Variants in NEDD4L observed in about 807,000 individuals in gnomAD.
NEDD4L encodes the protein NEDD4 like E3 ubiquitin protein ligase.
NEDD4L carries 54 observed loss-of-function variants against 148.9 expected under a neutral mutation model. The ratio of observed to expected loss-of-function variants is 0.36; its 90% CI spans 0.29 to 0.45. The LOEUF is 0.45. Ranked by LOEUF, NEDD4L falls within the 20% of genes least tolerant of loss-of-function variation. The pLI is 1.00. For missense variants in NEDD4L, 856 were observed against 1,233.8 expected (o/e 0.69, Z 4.59); for synonymous variants, 433 against 440.7 (o/e 0.98, Z 0.22).
At chr18:58,106,551 GGCAA>G (rs2145586558) in intron 1 of NEDD4L, among the ~76,000 whole-genome samples, 1 of 152,236 alleles carries the variant, frequency 6.6e-6, no homozygotes, top group East Asian at 1.9e-4. Flanking sequence ...TGTGCCTTTG[GGCAA>G]GCCACTTGCC....
intron 1 of NEDD4L, chr18:58,090,747 G>T (rs566517682): frequency 6.6e-6 from 1 of 152,292 alleles, no homozygotes; most frequent in South Asian, 2.1e-4. Context: ...CAAAGTGCTG[G>T]GATTACAGGC....
At chr18:58,135,726 C>T (rs1396964834) in intron 1 of NEDD4L, among the ~76,000 whole-genome samples, 1 of 152,174 alleles carries the variant, frequency 6.6e-6, no homozygotes, top group African/African-American at 2.4e-5. Context: ...ATTCCTGGTA[C>T]GTGGACTGGA....
intron 2 of NEDD4L, among the ~76,000 whole-genome samples, chr18:58,211,450 G>C (rs1310501457): frequency 6.6e-6 from 1 of 152,142 alleles, no homozygotes; most frequent in African/African-American, 2.4e-5. Flanking sequence ...AGATAACCTA[G>C]GAAGACATTG....
chr18:58,382,767 G>A (rs891609112), intron 24 of NEDD4L, among the ~76,000 whole-genome samples: 1 of 152,160 alleles, frequency 6.6e-6, no homozygotes, highest in African/African-American at 2.4e-5. Flanking sequence ...TGTCTCTTCA[G>A]CCTGGATCCT....
chr18:58,166,814 T>C (rs2036901443), intron 2 of NEDD4L, among the ~76,000 whole-genome samples: 1 of 152,198 alleles, frequency 6.6e-6, no homozygotes, highest in South Asian at 2.1e-4. Context: ...TCCCCTGTGC[T>C]GTGGCCCTTG....
chr18:58,276,396 A>G (rs1305449145), intron 5 of NEDD4L, among the ~76,000 whole-genome samples: 3 of 151,802 alleles, frequency 2.0e-5, no homozygotes, highest in East Asian at 3.9e-4. Flanking sequence ...TTTGGTAGAG[A>G]TGAGTTTTCG....
chr18:58,355,416 T>C (rs757809517), intron 18 of NEDD4L, among the ~76,000 whole-genome samples: 1 of 152,208 alleles, frequency 6.6e-6, no homozygotes, highest in African/African-American at 2.4e-5. Context: ...TAAGCTGAAG[T>C]ACTTACGGGA....
intron 30 of NEDD4L, among the ~76,000 whole-genome samples, chr18:58,391,889 G>T (rs921853652): frequency 1.3e-5 from 2 of 152,146 alleles, no homozygotes; most frequent in Non-Finnish European, 2.9e-5. Flanking sequence ...TAATAAACAC[G>T]TTGGGTTTTT....
intron 1 of NEDD4L, among the ~76,000 whole-genome samples, chr18:58,129,240 G>A (rs1458879137): frequency 6.6e-6 from 1 of 152,232 alleles, no homozygotes; most frequent in African/African-American, 2.4e-5. Flanking sequence ...CTGCTGCTCA[G>A]CCTGCTTGCA....
chr18:58,214,758 G>A (rs955858447), intron 2 of NEDD4L, among the ~76,000 whole-genome samples: 1 of 147,652 alleles, frequency 6.8e-6, no homozygotes, highest in Non-Finnish European at 1.5e-5. Flanking sequence ...GGTGTGTCAT[G>A]TTTTTAAAAC....
intron 5 of NEDD4L, among the ~76,000 whole-genome samples, chr18:58,259,339 GT>G (rs2049032121): frequency 6.6e-6 from 1 of 152,182 alleles, no homozygotes; most frequent in African/African-American, 2.4e-5. Context: ...ATTATAATCA[GT>G]TAAAAATTTT....
rs115273663 is a variant in NEDD4L, at chr18:58,093,186, G to T, written c.48+48478G>T. Among the ~76,000 whole-genome samples, 203 of 152,268 alleles carry T rather than the reference G, an allele frequency of 1.3e-3. 1 individual carries two copies. The highest frequency in any genetic ancestry group is 4.7e-3 in the African/African-American group (196 of 41,556). ...TTTCAATGAAATGGTGATGGAAATA[G>T]GTTCTTTTTGTAGATTGTGAGCTCT... On this transcript the variant is annotated intron_variant, in intron 1 of 30. Coordinates refer to ENST00000400345, the MANE Select transcript of NEDD4L (RefSeq NM_001144967.3).
chr18:58,394,909 C>T (rs895130185), intron 30 of NEDD4L, among the ~76,000 whole-genome samples: 8 of 152,152 alleles, frequency 5.3e-5, no homozygotes, highest in South Asian at 2.1e-4. Context: ...CTGGAGGGGG[C>T]GGTTTTAAAC....
Position 58,390,723 on chromosome 18 carries a change from T to C in NEDD4L, c.2733T>C (p.Asn911=). The C allele has an allele frequency of 6.3e-7, 1 of 1,597,258 alleles. No homozygotes were observed. The highest frequency in any genetic ancestry group is 8.5e-7 in the Non-Finnish European group (1 of 1,170,808). Residue 911 remains asparagine (N), a synonymous_variant, in exon 29 of 31, where the codon AAT becomes AAC. Transcript: ENST00000400345. The part of the protein sequence containing the change: ...FVTGTSRVPM[N]GFAELYGSNG... Reference sequence around the variant, plus strand: ...CAGGGACATCGCGAGTACCTATGAATGGATTTGCCGAACTTTATGGTGAGC... The same window carrying C: ...CAGGGACATCGCGAGTACCTATGAACGGATTTGCCGAACTTTATGGTGAGC...
intron 16 of NEDD4L, among the ~76,000 whole-genome samples, chr18:58,345,913 GTTGTTTT>G (rs1004169979): frequency 2.5e-4 from 23 of 91,906 alleles, no homozygotes; most frequent in African/African-American, 7.6e-4. Flanking sequence ...GCTAATTTTT[GTTGTTTT>G]TTGTTTTTTG....
chr18:58,368,681 A>G (rs915213258), intron 22 of NEDD4L, among the ~76,000 whole-genome samples: 2 of 152,132 alleles, frequency 1.3e-5, no homozygotes, highest in African/African-American at 4.8e-5. Context: ...TAATTTGTAT[A>G]CCCTCTGTAC....
At chr18:58,136,257 A>G (rs1469609333) in intron 1 of NEDD4L, among the ~76,000 whole-genome samples, 1 of 152,202 alleles carries the variant, frequency 6.6e-6, no homozygotes, top group Non-Finnish European at 1.5e-5. Context: ...CTGAGCCGAG[A>G]AAGTGGAGTT....
chr18:58,082,462 C>T (rs1302338666), intron 1 of NEDD4L, among the ~76,000 whole-genome samples: 1 of 151,388 alleles, frequency 6.6e-6, no homozygotes, highest in Admixed American at 6.6e-5. Flanking sequence ...AATCTATAAG[C>T]ATTTTCTTTT....
chr18:58,151,625 A>ATATGTGTGTG lies in NEDD4L; in HGVS notation c.49-14162_49-14161insATGTGTGTGT, dbSNP rs1555709300. ...GAAGATGAGGTAGCTGTGCCTGGAT[A>ATATGTGTGTG]TGTGTGTGTGTGTGTGTGTGTGTGT... On this transcript the variant is annotated intron_variant, in intron 1 of 30. Coordinates refer to ENST00000400345, the MANE Select transcript of NEDD4L (RefSeq NM_001144967.3). 1.9e-3 allele frequency among the ~76,000 whole-genome samples: 267 copies of ATATGTGTGTG among 141,078 alleles called. 1 individual carries two copies. The highest frequency in any genetic ancestry group is 6.6e-3 in the African/African-American group (249 of 37,476). The allele number at this position is 141,078 out of a possible 152,430, so 92.6% of individuals were successfully genotyped here.
Sources: gnomAD v4.1 joint callset for allele counts (sites outside exome capture counted in the v4.1 genomes callset) on GRCh38, gnomAD v4.1.1 for gene constraint, MANE v1.5 for transcripts, NCBI Gene and HGNC (gene_info 2026-07-23, HGNC 2026-07-21) for gene names.